Variants in USH2A observed in about 807,000 individuals in gnomAD.
USH2A encodes usherin.
A neutral mutation model predicts 538.9 loss-of-function variants in USH2A; 443 were observed. The observed-to-expected ratio is 0.82, with a 90% CI of 0.76 to 0.89. The LOEUF (loss-of-function observed/expected upper bound fraction) is 0.89, where lower values mean the gene tolerates loss of function less well. USH2A is among the 40% of genes least tolerant of loss of function. The pLI is 0.00. For synonymous variants in USH2A, 2,413 were observed against 2,273.5 expected, an observed-to-expected ratio of 1.06 and a Z score of -1.75; for missense variants, 6,633 against 6,324.8, an observed-to-expected ratio of 1.05 and a Z score of -1.65.
intron 21 of USH2A, among the ~76,000 whole-genome samples, chr1:216,172,958 A>G (rs2034299686): frequency 6.6e-6 from 1 of 152,114 alleles, no homozygotes; most frequent in Non-Finnish European, 1.5e-5. Flanking sequence ...GAAGGCTCCA[A>G]TTCACGTTTC....
chr1:216,119,669 A>G (rs1006741553), intron 21 of USH2A, among the ~76,000 whole-genome samples: 4 of 152,266 alleles, frequency 2.6e-5, no homozygotes, highest in Non-Finnish European at 4.4e-5. Flanking sequence ...ATTAAACAAA[A>G]TTGAGCATGT....
In USH2A at chr1:215,993,163, C is replaced by A. The variant is rs1345302133; in HGVS notation, c.6662G>T (p.Cys2221Phe). The change falls in exon 35 of 72, where the codon TGC (cysteine) becomes TTC (phenylalanine). Residue 2221 changes from cysteine (C) to phenylalanine (F), a missense_variant. By Grantham distance (205) the Cys-to-Phe change is radical. Coordinates refer to ENST00000307340, the MANE Select transcript of USH2A (RefSeq NM_206933.4). The part of the protein sequence containing the change: ...GNKYLIKLGA[C>F]TGGGCTVSEA... ...ACTCACTGTGCACCCACCACCTGTG[C>A]AAGCCTAAACAGAGATGCAAAAATG... 3 of 1,613,876 alleles carry A rather than the reference C, an allele frequency of 1.9e-6. No individual in the cohort carries two copies. The African/African-American group carries it at 4.0e-5, about 22-fold the overall frequency.
rs1042935578 is a variant in USH2A at position 216,154,066 on chromosome 1, G to A, written c.4627+21186C>T. Among the ~76,000 whole-genome samples, 6 of 152,116 alleles carry A rather than the reference G, an allele frequency of 3.9e-5. No individual in the cohort carries two copies. In the East Asian group the frequency reaches 9.6e-4, roughly 24 times the overall value. ...AAAAATACATTACAGAGGTGCAGTAGCTTCAAGGCAATAACTGGTCAACTG... is the reference window on the plus strand; with the variant it reads ...AAAAATACATTACAGAGGTGCAGTAACTTCAAGGCAATAACTGGTCAACTG... On this transcript the variant is annotated intron_variant, in intron 21 of 71. Coordinates refer to ENST00000307340, the MANE Select transcript of USH2A (RefSeq NM_206933.4).
intron 14 of USH2A, among the ~76,000 whole-genome samples, chr1:216,230,907 C>CAG (rs929277067): frequency 6.6e-6 from 1 of 151,616 alleles, no homozygotes; most frequent in African/African-American, 2.4e-5. Context: ...CTCACACACA[C>CAG]ACACACACAC....
At chr1:215,890,654 C>T (rs1438924586) in intron 40 of USH2A, among the ~76,000 whole-genome samples, 1 of 152,152 alleles carries the variant, frequency 6.6e-6, no homozygotes. Flanking sequence ...TTTCTTAAAA[C>T]CACTATGCCA....
chr1:215,831,225 A>T (rs1388940935), intron 47 of USH2A, among the ~76,000 whole-genome samples: 2 of 152,210 alleles, frequency 1.3e-5, no homozygotes, highest in African/African-American at 4.8e-5. Flanking sequence ...GGAAAGACTA[A>T]TAGATCTGAA....
In USH2A at chr1:215,883,858, A is replaced by G. The variant is rs533895278; in HGVS notation, c.8223+4568T>C. Among the ~76,000 whole-genome samples, 4 of 152,302 alleles carry G rather than the reference A, an allele frequency of 2.6e-5. No individual in the cohort carries two copies. In the South Asian group the frequency reaches 8.3e-4, roughly 32 times the overall value. ...CATTATTCTTCCACAATTTTCTATAATATTTTCAATCATTTAGTCTTCTAT... is the reference window on the plus strand; with the variant it reads ...CATTATTCTTCCACAATTTTCTATAGTATTTTCAATCATTTAGTCTTCTAT... On this transcript the variant is annotated intron_variant, in intron 41 of 71. Coordinates refer to ENST00000307340, the MANE Select transcript of USH2A (RefSeq NM_206933.4).
Position 215,769,236 on chromosome 1 carries a change from T to G in USH2A, c.10940-2448A>C, listed in dbSNP as rs900487738. Among the ~76,000 whole-genome samples the G allele has an allele frequency of 2.0e-5, 3 of 152,222 alleles. No homozygotes were observed. The East Asian group carries it at 5.8e-4, about 29-fold the overall frequency. On this transcript the variant is annotated intron_variant, in intron 55 of 71. Transcript: ENST00000307340. ...GATATTTAAATTTTTTTCTCGAATA[T>G]TCTGAGCAAAACAATGGCCTCAGTT...
chr1:216,111,056 T>C (rs1395583418), intron 21 of USH2A, among the ~76,000 whole-genome samples: 2 of 152,084 alleles, frequency 1.3e-5, no homozygotes, highest in African/African-American at 4.8e-5. Context: ...TGAAACCCCA[T>C]CTCTACCAAA....
intron 46 of USH2A, among the ~76,000 whole-genome samples, chr1:215,839,609 G>A (rs1663620516): frequency 6.6e-6 from 1 of 152,114 alleles, no homozygotes; most frequent in Non-Finnish European, 1.5e-5. Context: ...AATGACTACT[G>A]CTGGTAGCCA....
At chr1:215,905,729 C>T (rs1399338190) in intron 38 of USH2A, among the ~76,000 whole-genome samples, 1 of 152,016 alleles carries the variant, frequency 6.6e-6, no homozygotes, top group East Asian at 1.9e-4. Flanking sequence ...AGGGCTCCCA[C>T]CAACTCTTCC....
chr1:215,773,736 C>G (rs1040323083), intron 55 of USH2A, among the ~76,000 whole-genome samples: 1 of 152,086 alleles, frequency 6.6e-6, no homozygotes, highest in African/African-American at 2.4e-5. Context: ...ACTAAGTGAT[C>G]CCTTTCGGAG....
At position 216,048,604 on chromosome 1, in the gene USH2A, G is replaced by C. The variant is rs149518407; in HGVS notation, c.6093C>G (p.Thr2031=). Residue 2031 remains threonine, a synonymous_variant, in exon 31 of 72, where the codon ACC becomes ACG. Transcript: ENST00000307340. ...AGCCAGCCAAAGTGCAAGCAGTTAGGGTTACTGCATAGTTTTTGAAGGGTA... is the reference window on the plus strand; with the variant it reads ...AGCCAGCCAAAGTGCAAGCAGTTAGCGTTACTGCATAGTTTTTGAAGGGTA... The part of the protein sequence containing the change: ...GLLPFKNYAV[T]LTACTLAGCT... The C allele has an allele frequency of 1.1e-5, 17 of 1,613,952 alleles. No homozygotes were observed. The highest frequency in any genetic ancestry group is 1.3e-5 in the African/African-American group (1 of 74,894).
intron 47 of USH2A, among the ~76,000 whole-genome samples, chr1:215,836,566 T>TA (rs1276826379): frequency 8.3e-5 from 2 of 24,168 alleles, no homozygotes; most frequent in Admixed American, 7.2e-4. Context: ...TATATATATA[T>TA]TTTTTTTTGA....
intron 32 of USH2A, among the ~76,000 whole-genome samples, chr1:216,040,565 T>C (rs1198914762): frequency 6.6e-6 from 1 of 151,962 alleles, no homozygotes; most frequent in Non-Finnish European, 1.5e-5. Context: ...GGGTGCTCGT[T>C]TAAAATAAGA....
chr1:216,177,928 C>T (rs1033636292), intron 20 of USH2A, among the ~76,000 whole-genome samples: 2 of 152,064 alleles, frequency 1.3e-5, no homozygotes, highest in Admixed American at 1.3e-4. Flanking sequence ...GCCCAAACTA[C>T]ATCTGTGGAC....
At chr1:215,902,611 G>GA (rs1400050829) in intron 38 of USH2A, among the ~76,000 whole-genome samples, 1 of 152,106 alleles carries the variant, frequency 6.6e-6, no homozygotes. Context: ...GCAGTGTAAG[G>GA]AAAGAGAAGG....
chr1:216,054,798 T>G (rs1379611043), intron 30 of USH2A, among the ~76,000 whole-genome samples: 1 of 152,128 alleles, frequency 6.6e-6, no homozygotes, highest in Non-Finnish European at 1.5e-5. Context: ...GGTAAACACC[T>G]TGGCCTGTCT....
At chr1:216,188,405 G>C (rs1249411895) in intron 20 of USH2A, among the ~76,000 whole-genome samples, 1 of 151,624 alleles carries the variant, frequency 6.6e-6, no homozygotes, top group African/African-American at 2.4e-5. Context: ...TCATCTACAA[G>C]AATTATACTA....
Sources: allele counts gnomAD v4.1 joint callset (sites outside exome capture counted in the v4.1 genomes callset), GRCh38; gene constraint gnomAD v4.1.1; transcripts MANE v1.5; gene names NCBI Gene and HGNC (gene_info 2026-07-23, HGNC 2026-07-21).